Variants in AKAP19 observed in about 807,000 individuals in gnomAD.
AKAP19 encodes the protein small A-kinase anchoring protein.
the AKAP19 span, among the ~76,000 whole-genome samples, chr2:190,155,336 G>A: frequency 6.6e-6 from 1 of 152,112 alleles, no homozygotes; most frequent in Admixed American, 6.5e-5. Flanking sequence ...AATGGCTACA[G>A]AATCTGGCCA....
At chr2:190,091,752 C>A in the AKAP19 span, among the ~76,000 whole-genome samples, 2 of 152,094 alleles carry the variant, frequency 1.3e-5, no homozygotes, top group Non-Finnish European at 2.9e-5. Context: ...ATTATAAACA[C>A]AGAAAATATA....
chr2:190,060,834 A>C, the AKAP19 span, among the ~76,000 whole-genome samples: 1 of 152,012 alleles, frequency 6.6e-6, no homozygotes, highest in Non-Finnish European at 1.5e-5. Context: ...CAGCTGTACC[A>C]ATCAGTCTGG....
the AKAP19 span, among the ~76,000 whole-genome samples, chr2:189,959,596 T>G: frequency 6.6e-6 from 1 of 152,334 alleles, no homozygotes; most frequent in South Asian, 2.1e-4. Context: ...CATTACTAGA[T>G]TTTGCTGAGT....
At chr2:190,009,306 A>C in the AKAP19 span, among the ~76,000 whole-genome samples, 1 of 152,234 alleles carries the variant, frequency 6.6e-6, no homozygotes, top group Non-Finnish European at 1.5e-5. Flanking sequence ...CTAGAAGTAT[A>C]ACAGAAAGTG....
chr2:190,072,858 GATATTCATAGCTTCAAAT>G, the AKAP19 span, among the ~76,000 whole-genome samples: 1 of 152,132 alleles, frequency 6.6e-6, no homozygotes, highest in Admixed American at 6.6e-5. Flanking sequence ...GTGTTTAGCA[GATATTCATAGCTTCAAAT>G]ATGTATTGCT....
chr2:190,017,670 A>G, the AKAP19 span, among the ~76,000 whole-genome samples: 1 of 152,180 alleles, frequency 6.6e-6, no homozygotes, highest in African/African-American at 2.4e-5. Context: ...CCATCATACT[A>G]GAGATGAAAT....
chr2:190,038,897 T>C, the AKAP19 span, among the ~76,000 whole-genome samples: 3 of 62,330 alleles, frequency 4.8e-5, no homozygotes, highest in South Asian at 1.2e-3. Flanking sequence ...TCTTTCTTTC[T>C]TTCTTTCTTC....
At chr2:190,116,698 T>C in the AKAP19 span, among the ~76,000 whole-genome samples, 2 of 152,170 alleles carry the variant, frequency 1.3e-5, no homozygotes, top group African/African-American at 4.8e-5. Context: ...TAAATTTCCA[T>C]TTCTCTCTTC....
the AKAP19 span, among the ~76,000 whole-genome samples, chr2:190,122,623 T>C: frequency 2.6e-5 from 4 of 152,334 alleles, no homozygotes; most frequent in African/African-American, 9.6e-5. Flanking sequence ...TAAATGTCAT[T>C]CTCATTCTTT....
chr2:190,031,463 T>C, the AKAP19 span, among the ~76,000 whole-genome samples: 1 of 152,210 alleles, frequency 6.6e-6, no homozygotes, highest in African/African-American at 2.4e-5. Flanking sequence ...ACCATTATCT[T>C]ACTTAAAATA....
At chr2:190,126,520 C>T in the AKAP19 span, among the ~76,000 whole-genome samples, 175 of 151,576 alleles carry the variant, frequency 1.2e-3, no homozygotes, top group Middle Eastern at 3.4e-3. Context: ...TTTATTTTTC[C>T]GGTCTTAAAG....
the AKAP19 span, among the ~76,000 whole-genome samples, chr2:189,955,816 A>G: frequency 6.6e-6 from 1 of 152,226 alleles, no homozygotes; most frequent in South Asian, 2.1e-4. Flanking sequence ...GTTTCAAAAA[A>G]GATTTGTATT....
At chr2:189,974,207 A>G in the AKAP19 span, among the ~76,000 whole-genome samples, 2 of 152,214 alleles carry the variant, frequency 1.3e-5, no homozygotes, top group East Asian at 1.9e-4. Context: ...TTCAAAGAAC[A>G]TCTTTATCTC....
the AKAP19 span, among the ~76,000 whole-genome samples, chr2:190,173,352 G>C: frequency 3.9e-5 from 6 of 152,020 alleles, no homozygotes; most frequent in African/African-American, 1.4e-4. Context: ...TCAACATTTG[G>C]CAGTTGGTTT....
At chr2:189,911,902 A>G in the AKAP19 span, among the ~76,000 whole-genome samples, 2 of 151,406 alleles carry the variant, frequency 1.3e-5, no homozygotes, top group South Asian at 4.2e-4. Context: ...TTTTTTCTAT[A>G]GTTACCTCAA....
At chr2:189,968,624 C>G in the AKAP19 span, among the ~76,000 whole-genome samples, 1 of 151,948 alleles carries the variant, frequency 6.6e-6, no homozygotes, top group Non-Finnish European at 1.5e-5. Flanking sequence ...GCACTACATA[C>G]AATAAGCACA....
At chr2:189,957,124 G>A in the AKAP19 span, among the ~76,000 whole-genome samples, 13 of 152,232 alleles carry the variant, frequency 8.5e-5, no homozygotes, top group Middle Eastern at 3.4e-3. Context: ...GCAGTGAGCC[G>A]AGATCGCGCC....
At chr2:189,987,650 G>A in the AKAP19 span, among the ~76,000 whole-genome samples, 3,048 of 152,322 alleles carry the variant, frequency 0.02, 72 homozygotes, top group Non-Finnish European at 0.032. Flanking sequence ...GAAGGCAAAA[G>A]GAGATGCCAT....
chr2:190,201,050 T>G, the AKAP19 span: 1 of 151,228 alleles, frequency 6.6e-6, no homozygotes, highest in Non-Finnish European at 1.6e-5. Flanking sequence ...ACCATTAAAA[T>G]AGACCAGATA....
Sources: gnomAD v4.1 joint callset for allele counts (sites outside exome capture counted in the v4.1 genomes callset) on GRCh38, gnomAD v4.1.1 for gene constraint, MANE v1.5 for transcripts, NCBI Gene and HGNC (gene_info 2026-07-23, HGNC 2026-07-21) for gene names.